The following MTMR12 variants were observed in gnomAD, a reference collection of about 807,000 sequenced individuals.
MTMR12 encodes myotubularin related protein 12.
Under a neutral mutation model 96.7 loss-of-function variants are expected in MTMR12, and 33 were observed. The ratio of observed to expected loss-of-function variants is 0.34; its 90% CI spans 0.26 to 0.46. The LOEUF is 0.46. Ranked by LOEUF, MTMR12 falls within the 20% of genes least tolerant of loss-of-function variation. The probability of loss-of-function intolerance (pLI) is 1.00; values close to 1 mark genes in which losing one functional copy is unlikely to be tolerated. For missense variants in MTMR12, 721 were observed against 896.1 expected (o/e 0.80, Z 2.49); for synonymous variants, 298 against 327.2 (o/e 0.91, Z 0.96).
rs1054631179 is a variant in MTMR12, at chr5:32,268,858, G to A, written c.490-64C>T. On this transcript the variant is annotated intron_variant, in intron 5 of 15. Transcript: ENST00000382142. ...GACAGATAAACACTAACAAAGACAA[G>A]AGTCAAGGTGTCTAAGTTCTTAGTC... is the stretch of plus-strand genomic sequence containing the variant. 11 of 1,340,886 alleles carry A rather than the reference G, an allele frequency of 8.2e-6. No individual in the cohort carries two copies. In the Admixed American group the frequency reaches 1.4e-4, roughly 17 times the overall value. The allele number at this position is 1,340,886 out of a possible 1,614,324, so 83.1% of individuals were successfully genotyped here.
At chr5:32,262,410 G>A (rs1749397521) in intron 7 of MTMR12, among the ~76,000 whole-genome samples, 1 of 152,116 alleles carries the variant, frequency 6.6e-6, no homozygotes, top group Non-Finnish European at 1.5e-5. Context: ...AAACCAGCCT[G>A]GGCAACATGG....
At chr5:32,251,794 C>T (rs909802443) in intron 8 of MTMR12, among the ~76,000 whole-genome samples, 4 of 152,192 alleles carry the variant, frequency 2.6e-5, no homozygotes, top group Admixed American at 6.5e-5. Flanking sequence ...GCCCAGAGAC[C>T]CAGATTCTGT....
chr5:32,305,632 G>A (rs561595939), intron 1 of MTMR12, among the ~76,000 whole-genome samples: 7 of 152,076 alleles, frequency 4.6e-5, no homozygotes, highest in South Asian at 2.1e-4. Context: ...GGCCGGGCGC[G>A]ATGGCTCACG....
At chr5:32,237,732 G>A (rs1289468804) in intron 13 of MTMR12, among the ~76,000 whole-genome samples, 1 of 151,936 alleles carries the variant, frequency 6.6e-6, no homozygotes, top group Non-Finnish European at 1.5e-5. Flanking sequence ...GGATGGTGTC[G>A]ACCTCCTGAC....
intron 14 of MTMR12, 43 bp downstream of exon 14, chr5:32,234,916 GAGA>G: frequency 1.3e-6 from 2 of 1,527,114 alleles, no homozygotes; most frequent in South Asian, 2.4e-5. Context: ...TCCTACTTGT[GAGA>G]AGAAGCCTCT....
At chr5:32,234,019 G>T (rs1359735140) in intron 14 of MTMR12, 85 bp from the exon 15 acceptor site, 15 of 1,478,654 alleles carry the variant, frequency 1.0e-5, no homozygotes, top group Non-Finnish European at 1.3e-5. Context: ...GCACCAGGAA[G>T]CATGCTCCTG....
intron 1 of MTMR12, among the ~76,000 whole-genome samples, chr5:32,310,388 T>G (rs140908378): frequency 2.6e-5 from 4 of 152,152 alleles, no homozygotes; most frequent in East Asian, 1.9e-4. Flanking sequence ...CAGCCAAGAT[T>G]TGGAAGCAAC....
chr5:32,240,990 G>GATTT (rs1247776445), intron 12 of MTMR12, among the ~76,000 whole-genome samples: 1 of 152,218 alleles, frequency 6.6e-6, no homozygotes, highest in Non-Finnish European at 1.5e-5. Flanking sequence ...GACTAAAAGA[G>GATTT]ATTTCCAAGG....
chr5:32,245,347 T>C (rs1331982808), intron 10 of MTMR12, among the ~76,000 whole-genome samples: 1 of 152,180 alleles, frequency 6.6e-6, no homozygotes, highest in Non-Finnish European at 1.5e-5. Context: ...CCTTTAAGGA[T>C]TTTTTAAGAT....
chr5:32,298,900 C>A (rs1449883396), intron 1 of MTMR12, among the ~76,000 whole-genome samples: 1 of 150,578 alleles, frequency 6.6e-6, no homozygotes. Flanking sequence ...TTGCAGTGAG[C>A]CGAGATCGCG....
chr5:32,291,826 G>A (rs1042614896), intron 1 of MTMR12, among the ~76,000 whole-genome samples: 1 of 152,164 alleles, frequency 6.6e-6, no homozygotes, highest in South Asian at 2.1e-4. Context: ...TCCTCAGGGC[G>A]ATCAGCCAGC....
At chr5:32,307,745 GA>G (rs1281665765) in intron 1 of MTMR12, among the ~76,000 whole-genome samples, 1 of 150,668 alleles carries the variant, frequency 6.6e-6, no homozygotes, top group Admixed American at 6.6e-5. Flanking sequence ...TGATCATGAG[GA>G]AAAAAAAATA....
intron 1 of MTMR12, among the ~76,000 whole-genome samples, chr5:32,281,305 C>G (rs1275452759): frequency 6.9e-6 from 1 of 144,988 alleles, no homozygotes; most frequent in African/African-American, 2.5e-5. Context: ...TTCTACTTTT[C>G]TCCCAATCTT....
At chr5:32,301,980 T>C (rs544156128) in intron 1 of MTMR12, among the ~76,000 whole-genome samples, 3 of 152,080 alleles carry the variant, frequency 2.0e-5, no homozygotes, top group East Asian at 3.9e-4. Context: ...ACAAAAAACA[T>C]TGTCTGAAAC....
intron 1 of MTMR12, among the ~76,000 whole-genome samples, chr5:32,295,957 C>T (rs1056235529): frequency 2.0e-5 from 3 of 151,874 alleles, no homozygotes; most frequent in African/African-American, 7.3e-5. Flanking sequence ...AGTTCGAGAC[C>T]GGCCTGGCCA....
In MTMR12 at chr5:32,307,713, G is replaced by A. The variant is rs78283629; in HGVS notation, c.81+5045C>T. Among the ~76,000 whole-genome samples, 287 of 152,184 alleles carry A rather than the reference G, an allele frequency of 1.9e-3. 1 individual carries two copies. The highest frequency in any genetic ancestry group is 6.6e-3 in the African/African-American group (273 of 41,536). On this transcript the variant is annotated intron_variant, in intron 1 of 15. Transcript: ENST00000382142. The stretch of plus-strand genomic sequence containing the variant: ...AGTTAACTACTCGTCCTCATTTTAC[G>A]CTGTCCGATGCCAGTCCTTTCTGAT...
At position 32,297,250 on chromosome 5, in the gene MTMR12, T is replaced by A. The variant is rs1750965596; in HGVS notation, c.81+15508A>T. Among the ~76,000 whole-genome samples the A allele has an allele frequency of 2.0e-5, 3 of 152,222 alleles. No homozygotes were observed. In the South Asian group the frequency reaches 6.2e-4, roughly 31 times the overall value. ...CACAATCAATTTTAGATCATTTTCA[T>A]CATCCCAAAAGGAATATTCTAAGGC... On this transcript the variant is annotated intron_variant, in intron 1 of 15. Transcript: ENST00000382142.
At chr5:32,290,627 G>C (rs991926905) in intron 1 of MTMR12, among the ~76,000 whole-genome samples, 3 of 152,108 alleles carry the variant, frequency 2.0e-5, no homozygotes, top group African/African-American at 7.2e-5. Flanking sequence ...TATTGAGTGG[G>C]GTCCAGAAAA....
chr5:32,243,296 T>C lies in MTMR12; in HGVS notation c.1100+225A>G, dbSNP rs566038980. On this transcript the variant is annotated intron_variant, in intron 11 of 15. Transcript: ENST00000382142. ...TCACACTCTTTCTGTGTTTTTTCAA[T>C]GCCTTGTCTGTAGAGTACATCTCCT... Among the ~76,000 whole-genome samples the C allele has an allele frequency of 3.3e-4, 51 of 152,376 alleles. No individual in the cohort carries two copies. The South Asian group carries it at 0.01, about 31-fold the overall frequency.
Sources: gnomAD v4.1 joint callset for allele counts (sites outside exome capture counted in the v4.1 genomes callset) on GRCh38, gnomAD v4.1.1 for gene constraint, MANE v1.5 for transcripts, NCBI Gene and HGNC (gene_info 2026-07-23, HGNC 2026-07-21) for gene names.